ODF2: variants seen among roughly 807,000 people sequenced by gnomAD.
ODF2 encodes the protein outer dense fiber of sperm tails 2, also known as outer dense fiber protein 2.
Under a neutral mutation model 110.2 loss-of-function variants are expected in ODF2, and 47 were observed. That is an observed-to-expected ratio of 0.43 (90% CI 0.34 to 0.54). ODF2 has a LOEUF of 0.54. ODF2 is among the 20% of genes least tolerant of loss of function. The probability of loss-of-function intolerance (pLI) is 0.03; values close to 1 mark genes in which losing one functional copy is unlikely to be tolerated. For missense variants in ODF2, 812 were observed against 1,054.5 expected (o/e 0.77, Z 3.19); for synonymous variants, 352 against 397.7 (o/e 0.89, Z 1.37).
chr9:128,469,442 G>A lies in ODF2; in HGVS notation c.420+89G>A, dbSNP rs113919320. The A allele has an allele frequency of 6.9e-4, 955 of 1,387,104 alleles. 3 individuals carry two copies. In the African/African-American group the frequency reaches 0.012, roughly 17 times the overall value. 85.9% of individuals were successfully genotyped at this position (1,387,104 alleles called of 1,614,324 possible). On this transcript the variant is annotated intron_variant, in intron 5 of 20. Coordinates refer to ENST00000604420, the Ensembl canonical transcript of ODF2. Reference sequence around the variant, plus strand: ...TTTCCTGCCTGGTCCCTCAGCCTGCGTCTGCAGGCCTTCAGGCCTCCTCTG... The same window carrying A: ...TTTCCTGCCTGGTCCCTCAGCCTGCATCTGCAGGCCTTCAGGCCTCCTCTG...
chr9:128,500,082 C>G, exon 21 of ODF2: 1 of 1,614,252 alleles, frequency 6.2e-7, no homozygotes, highest in Non-Finnish European at 8.5e-7. Flanking sequence ...CCGCCGCTAC[C>G]AGAGCCGGCT....
At chr9:128,459,763 C>A (rs1835928479) in intron 3 of ODF2, 106 bp downstream of exon 2, 1 of 765,232 alleles carries the variant, frequency 1.3e-6, no homozygotes, top group South Asian at 1.6e-5. Context: ...CATCGCCGCC[C>A]AGTTGCTCTG....
At chr9:128,459,720 C>G (rs1055193280) in intron 3 of ODF2, 63 bp downstream of exon 2, 2 of 1,302,094 alleles carry the variant, frequency 1.5e-6, no homozygotes, top group South Asian at 2.4e-5. Context: ...TTTTGCACAC[C>G]GTTTCTAGGA....
chr9:128,487,313 G>A lies in ODF2; in HGVS notation c.1401-577G>A, dbSNP rs77896814. ...GATGGTTTCTTGGAGGGGGAGGTAT[G>A]GGAGACACATCTTAACGGACGTCGT... is the stretch of plus-strand genomic sequence containing the variant. On this transcript the variant is annotated intron_variant, in intron 13 of 20. Coordinates refer to ENST00000604420, the Ensembl canonical transcript of ODF2. Among the ~76,000 whole-genome samples, 1,460 of 152,266 alleles carry A rather than the reference G, an allele frequency of 9.6e-3. 32 individuals are homozygous for A. Among genetic ancestry groups the A allele is most frequent in the East Asian group, 0.073 (377 of 5,168 alleles).
At chr9:128,483,145 C>T (rs1003459769) in intron 10 of ODF2, among the ~76,000 whole-genome samples, 4 of 152,034 alleles carry the variant, frequency 2.6e-5, no homozygotes, top group Middle Eastern at 3.2e-3. Context: ...CTGCCTGCCT[C>T]GGCCTCCCAA....
At chr9:128,496,828 A>C (rs1375859230) in intron 18 of ODF2, among the ~76,000 whole-genome samples, 1 of 152,094 alleles carries the variant, frequency 6.6e-6, no homozygotes, top group Non-Finnish European at 1.5e-5. Flanking sequence ...CCTGGGCTCA[A>C]GCAATTCTCC....
chr9:128,464,238 C>T (rs1296014341), intron 4 of ODF2, among the ~76,000 whole-genome samples: 3 of 150,974 alleles, frequency 2.0e-5, no homozygotes, highest in Admixed American at 1.3e-4. Flanking sequence ...TCACTACAAC[C>T]TCCATTTCCC....
chr9:128,485,466 C>T lies in ODF2; in HGVS notation c.1392C>T (p.Val464=), dbSNP rs140369982. ...GAGACCTTGAGCTGGAAATTATTGT[C>T]CTGAATGAGTACGTCTTAGAGTAGG... The change falls in exon 13 of 21, where the codon GTC becomes GTT. Residue 464 remains valine, a synonymous_variant. Coordinates refer to ENST00000604420, the Ensembl canonical transcript of ODF2. This position sits in a 1 kb window ranked among gnomAD's most constrained non-coding sequence, Gnocchi z 5.0. 9 of 1,560,832 alleles carry T rather than the reference C, an allele frequency of 5.8e-6. No homozygotes were observed. Among genetic ancestry groups the T allele is most frequent in the Non-Finnish European group, 7.9e-6 (9 of 1,132,150 alleles).
rs1175446315 is a variant in ODF2, at chr9:128,485,446, C to G, written c.1372C>G (p.Leu458Val). 1 of 1,601,988 alleles carries G rather than the reference C, an allele frequency of 6.2e-7. No individual in the cohort carries two copies. The highest frequency in any genetic ancestry group is 1.3e-5 in the African/African-American group (1 of 74,672). The change falls in exon 13 of 21, where the codon CTT (leucine) becomes GTT (valine). Residue 458 changes from leucine to valine, a missense_variant. By Grantham distance (32) the Leu-to-Val change is conservative (BLOSUM62 1). This residue lies in a region of ODF2 where 165 missense variants were observed against 293.4 expected (regional missense o/e 0.56). Transcript: ENST00000604420. The surrounding 1 kb of genome is among the most constrained non-coding windows in gnomAD (Gnocchi z 5.0). ...CCAAGTTGTAAAAGAAAAGGGAGAC[C>G]TTGAGCTGGAAATTATTGTCCTGAA...
chr9:128,463,028 C>T (rs1836913670), intron 4 of ODF2, among the ~76,000 whole-genome samples: 1 of 151,998 alleles, frequency 6.6e-6, no homozygotes, highest in Non-Finnish European at 1.5e-5. Context: ...TTTAGGAGGC[C>T]CAGGAGGGAG....
chr9:128,471,793 A>G (rs534023007), intron 6 of ODF2, among the ~76,000 whole-genome samples: 1 of 152,160 alleles, frequency 6.6e-6, no homozygotes, highest in South Asian at 2.1e-4. Flanking sequence ...AAAGCACGCT[A>G]CTCAGTGGGA....
At position 128,476,640 on chromosome 9, in the gene ODF2, CT is replaced by C. The variant is rs199605597; in HGVS notation, c.843+2911del. Among the ~76,000 whole-genome samples the C allele has an allele frequency of 1.1e-3, 158 of 143,134 alleles. No homozygotes were observed. The East Asian group carries it at 0.02, about 18-fold the overall frequency. The allele number at this position is 143,134 out of a possible 152,430, so 93.9% of individuals were successfully genotyped here. ...TTAACATTGTCAACCTTGTTTTTAT[CT>C]TTTTTTTTTTTCTTGAGACAGAGTC... is the stretch of plus-strand genomic sequence containing the variant. On this transcript the variant is annotated intron_variant, in intron 8 of 20. Coordinates refer to ENST00000604420, the Ensembl canonical transcript of ODF2.
intron 4 of ODF2, among the ~76,000 whole-genome samples, chr9:128,466,000 C>T (rs1168770615): frequency 3.3e-5 from 5 of 151,252 alleles, no homozygotes; most frequent in African/African-American, 4.9e-5. Context: ...ATTACCCTGG[C>T]GTGGTGGTCG....
At chr9:128,499,954 T>G (rs1846274930) in intron 20 of ODF2, 113 bp from the exon 21 acceptor site, 1 of 1,060,616 alleles carries the variant, frequency 9.4e-7, no homozygotes, top group African/African-American at 1.6e-5. Context: ...TAGAAGTCAC[T>G]CCACACTCGC....
intron 8 of ODF2, among the ~76,000 whole-genome samples, chr9:128,477,684 C>T (rs1192452165): frequency 6.6e-6 from 1 of 151,716 alleles, no homozygotes; most frequent in African/African-American, 2.4e-5. Context: ...CAGCTCACTG[C>T]AACCTTCCCC....
intron 4 of ODF2, among the ~76,000 whole-genome samples, chr9:128,467,677 G>A (rs561523959): frequency 2.7e-5 from 4 of 150,694 alleles, no homozygotes; most frequent in South Asian, 2.1e-4. Context: ...CCTGGGAGGC[G>A]GAGGTTGCAG....
intron 20 of ODF2, 60 bp from the exon 21 acceptor site, chr9:128,500,007 T>C: frequency 6.3e-7 from 1 of 1,590,234 alleles, no homozygotes; most frequent in South Asian, 1.1e-5. Context: ...TCCCTATGTC[T>C]CTATGGATTT....
exon 2 of ODF2, chr9:128,457,242 T>C: frequency 6.3e-7 from 1 of 1,592,690 alleles, no homozygotes; most frequent in Non-Finnish European, 8.5e-7. Flanking sequence ...GCCTCCCAAG[T>C]TTTCATCCAA....
chr9:128,466,730 C>T (rs1407211854), intron 4 of ODF2, among the ~76,000 whole-genome samples: 1 of 149,512 alleles, frequency 6.7e-6, no homozygotes, highest in Non-Finnish European at 1.5e-5. Flanking sequence ...GTAATCCCAA[C>T]ACTTTGGGAG....
Sources: allele counts gnomAD v4.1 joint callset (sites outside exome capture counted in the v4.1 genomes callset), GRCh38; gene constraint gnomAD v4.1.1; regional missense constraint gnomAD v4.1.1; non-coding constraint Gnocchi (gnomAD v3.1); transcripts MANE v1.5; gene names NCBI Gene and HGNC (gene_info 2026-07-23, HGNC 2026-07-21).